The following LRRC46 variants were observed in gnomAD, a reference collection of about 807,000 sequenced individuals.
The protein encoded by LRRC46 is leucine rich repeat containing 46.
A neutral mutation model predicts 28.0 loss-of-function variants in LRRC46; 20 were observed. The observed-to-expected ratio is 0.71, with a 90% CI of 0.50 to 1.04. The LOEUF is 1.04. Ranked by LOEUF, LRRC46 falls within the 50% of genes least tolerant of loss-of-function variation. The pLI, the probability that LRRC46 is intolerant of heterozygous loss-of-function variation, is 0.00. For missense variants in LRRC46, 315 were observed against 390.1 expected, an observed-to-expected ratio of 0.81 and a Z score of 1.62; for synonymous variants, 156 against 158.8, an observed-to-expected ratio of 0.98 and a Z score of 0.13.
chr17:47,834,232 C>CGAGT lies in LRRC46; in HGVS notation c.117-192_117-189dup, dbSNP rs1441316948. 2.6e-5 allele frequency among the ~76,000 whole-genome samples: 4 copies of CGAGT among 152,202 alleles called. No individual in the cohort carries two copies. In the East Asian group the frequency reaches 7.7e-4, roughly 29 times the overall value. On this transcript the variant is annotated intron_variant, in intron 2 of 7. Transcript: ENST00000269025. ...CTTCCCAGTGCTAACAATAGAGATA[C>CGAGT]GAGTCTGCAAGTCAAGCCGGTTTCA...
Position 47,836,918 on chromosome 17 carries a change from C to T in LRRC46, c.764C>T (p.Ala255Val), listed in dbSNP as rs780391278. 3.7e-6 allele frequency: 6 copies of T among 1,613,872 alleles called. No individual in the cohort carries two copies. The highest frequency in any genetic ancestry group is 2.2e-5 in the East Asian group (1 of 44,882). ...GACAGCAGCCCTTCTGCCACTCCTGCGCAAGGGGAGGAGACAGTCCCTGAG... is the reference window on the plus strand; with the variant it reads ...GACAGCAGCCCTTCTGCCACTCCTGTGCAAGGGGAGGAGACAGTCCCTGAG... ...AGDSSPSATPAQGEETVPEAV... is the reference protein window; with the variant it reads ...AGDSSPSATPVQGEETVPEAV... Residue 255 changes from alanine (A) to valine (V), a missense_variant, in exon 8 of 8, where the codon GCG (alanine) becomes GTG (valine). Physicochemically the swap from Ala to Val is moderately conservative, Grantham distance 64. Coordinates refer to ENST00000269025, the MANE Select transcript of LRRC46 (RefSeq NM_033413.4). The surrounding 1 kb of genome is among the most constrained non-coding windows in gnomAD (Gnocchi z 5.8).
intron 2 of LRRC46, chr17:47,834,182 A>G (rs1408001789): frequency 6.8e-6 from 7 of 1,034,446 alleles, no homozygotes; most frequent in Non-Finnish European, 8.5e-6. Context: ...AATTTCCCAG[A>G]GGGCCCTTAC....
chr17:47,831,993 T>A lies in LRRC46; in HGVS notation c.4T>A (p.Ser2Thr). 6.2e-7 allele frequency: 1 copy of A among 1,613,690 alleles called. No individual in the cohort carries two copies. The highest frequency in any genetic ancestry group is 8.5e-7 in the Non-Finnish European group (1 of 1,180,020). M[S>T]GGKSAQGPEE... is the part of the protein sequence containing the mutation. ...CAGCAGCCTTTTATTTTAGATCATGTCTGGAGGTGAGTAGGGAGGTGGGAC... is the reference window on the plus strand; with the variant it reads ...CAGCAGCCTTTTATTTTAGATCATGACTGGAGGTGAGTAGGGAGGTGGGAC... The change falls in exon 1 of 8, where the codon TCT becomes ACT. Residue 2 changes from serine to threonine, a missense_variant. Transcript: ENST00000269025.
chr17:47,836,507 C>T lies in LRRC46; in HGVS notation c.595+32C>T. 6.2e-7 allele frequency: 1 copy of T among 1,609,740 alleles called. No individual in the cohort carries two copies. The highest frequency in any genetic ancestry group is 8.5e-7 in the Non-Finnish European group (1 of 1,177,298). On this transcript the variant is annotated intron_variant, in intron 7 of 7. Coordinates refer to ENST00000269025, the MANE Select transcript of LRRC46 (RefSeq NM_033413.4). The surrounding 1 kb of genome is among the most constrained non-coding windows in gnomAD (Gnocchi z 5.8). ...CTGCTTTCCAAGGTTTTCAGCCTCC[C>T]CAGAGCCCACCTCTGCCCTGTGGGA...
chr17:47,832,107 A>G lies in LRRC46; in HGVS notation c.18A>G (p.Ser6=). 6.2e-7 allele frequency: 1 copy of G among 1,611,372 alleles called. No individual in the cohort carries two copies. Residue 6 remains serine (S), a synonymous_variant, in exon 2 of 8, where the codon TCA becomes TCG. Coordinates refer to ENST00000269025, the MANE Select transcript of LRRC46 (RefSeq NM_033413.4). MSGGK[S]AQGPEEGGVC... is the part of the protein sequence containing the mutation. ...GGACTCATCTTTTCACAGGGAAGTC[A>G]GCCCAGGGTCCAGAGGAAGGGGGCG...
At chr17:47,833,897 A>C (rs902734344) in intron 2 of LRRC46, 41 of 984,724 alleles carry the variant, frequency 4.2e-5, no homozygotes, top group Non-Finnish European at 4.8e-5. Context: ...AGTACAGGGT[A>C]AGCCACCATG....
rs2143615384 is a variant in LRRC46 at position 47,837,707 on chromosome 17, T to G, written c.*587T>G. 1 of 1,072,864 alleles carries G rather than the reference T, an allele frequency of 9.3e-7. No individual in the cohort carries two copies. Among genetic ancestry groups the G allele is most frequent in the Non-Finnish European group, 1.3e-6 (1 of 787,470 alleles). 66.5% of individuals were successfully genotyped at this position (1,072,864 alleles called of 1,614,324 possible). On this transcript the variant is annotated 3_prime_UTR_variant, in exon 8 of 8. Coordinates refer to ENST00000269025, the MANE Select transcript of LRRC46 (RefSeq NM_033413.4). ...TCACTGAAGAGAAAATAAAGCACATTTATTAAGGCAAAGGCCAAGCTGGCC... is the reference window on the plus strand; with the variant it reads ...TCACTGAAGAGAAAATAAAGCACATGTATTAAGGCAAAGGCCAAGCTGGCC...
rs369288520 is a variant in LRRC46 at position 47,837,447 on chromosome 17, T to A, written c.*327T>A. ...ACCACCTCATGGAAGAGGCATGCCA[T>A]CTCACTGCCACCCCTAGCGAGTGCC... On this transcript the variant is annotated 3_prime_UTR_variant, in exon 8 of 8. Coordinates refer to ENST00000269025, the MANE Select transcript of LRRC46 (RefSeq NM_033413.4). The A allele has an allele frequency of 1.5e-4, 63 of 413,084 alleles. No individual in the cohort carries two copies. Among genetic ancestry groups the A allele is most frequent in the African/African-American group, 1.3e-3 (61 of 47,342 alleles). 25.6% of individuals were successfully genotyped at this position (413,084 alleles called of 1,614,324 possible). A position where few individuals can be genotyped will look rare whatever the true frequency, so the allele number is the denominator to read the frequency against.
rs2033715809 is a variant in LRRC46, at chr17:47,837,625, A to G, written c.*505A>G. The stretch of plus-strand genomic sequence containing the variant: ...CAACCACAGGCCCCGCAGCCAGCCC[A>G]CAGCTGCCTTTGGGCCTCACTTGGC... On this transcript the variant is annotated 3_prime_UTR_variant, in exon 8 of 8. Coordinates refer to ENST00000269025, the MANE Select transcript of LRRC46 (RefSeq NM_033413.4). The G allele has an allele frequency of 5.1e-6, 3 of 586,180 alleles. No homozygotes were observed. In the East Asian group the frequency reaches 9.8e-5, roughly 19 times the overall value. 36.3% of individuals were successfully genotyped at this position (586,180 alleles called of 1,614,324 possible). A position where few individuals can be genotyped will look rare whatever the true frequency, so the allele number is the denominator to read the frequency against.
Position 47,836,251 on chromosome 17 carries a change from G to T in LRRC46, c.453-82G>T. The T allele has an allele frequency of 6.3e-7, 1 of 1,594,262 alleles. No homozygotes were observed. Among genetic ancestry groups the T allele is most frequent in the Non-Finnish European group, 8.6e-7 (1 of 1,166,906 alleles). ...AGCTCATGAGCCACCACCCCTCCGG[G>T]TGTGAGTGCTGTGGTGCGTGTCTTT... On this transcript the variant is annotated intron_variant, in intron 6 of 7. Transcript: ENST00000269025. This position sits in a 1 kb window ranked among gnomAD's most constrained non-coding sequence, Gnocchi z 5.8.
rs150316223 is a variant in LRRC46, at chr17:47,833,243, C to T, written c.116+1038C>T. ...AGGAAGCATTCCCTGATTCCTCCTACTGTGAATTTAGTGCACAGCCTATGT... is the reference window on the plus strand; with the variant it reads ...AGGAAGCATTCCCTGATTCCTCCTATTGTGAATTTAGTGCACAGCCTATGT... On this transcript the variant is annotated intron_variant, in intron 2 of 7. Transcript: ENST00000269025. Among the ~76,000 whole-genome samples, 3 of 152,306 alleles carry T rather than the reference C, an allele frequency of 2.0e-5. No homozygotes were observed. In the East Asian group the frequency reaches 5.8e-4, roughly 29 times the overall value.
chr17:47,834,378 C>T (rs1326180096), intron 2 of LRRC46, 47 bp from the exon 3 acceptor site: 2 of 1,380,872 alleles, frequency 1.4e-6, no homozygotes, highest in Non-Finnish European at 2.0e-6. Context: ...TGCTAAGAGA[C>T]CACATGAGTG....
rs2033709767 is a variant in LRRC46, at chr17:47,837,165, C to T, written c.*45C>T. 1.3e-6 allele frequency: 2 copies of T among 1,582,376 alleles called. No homozygotes were observed. Among genetic ancestry groups the T allele is most frequent in the Non-Finnish European group, 1.7e-6 (2 of 1,172,598 alleles). ...TACTAGTGGAGAGGAGTGGGGCCTG[C>T]CCCTCTTCTCAGACCTCTGACCTGT... On this transcript the variant is annotated 3_prime_UTR_variant, in exon 8 of 8. Transcript: ENST00000269025.
intron 2 of LRRC46, chr17:47,834,153 C>G: frequency 9.2e-7 from 1 of 1,090,576 alleles, no homozygotes; most frequent in Non-Finnish European, 1.1e-6. Context: ...TCTCCAGAAA[C>G]CATAAGCTGC....
Position 47,836,146 on chromosome 17 carries a change from C to A in LRRC46, c.452+44C>A, listed in dbSNP as rs766449771. 2 of 1,602,690 alleles carry A rather than the reference C, an allele frequency of 1.2e-6. No homozygotes were observed. Among genetic ancestry groups the A allele is most frequent in the Non-Finnish European group, 1.7e-6 (2 of 1,169,810 alleles). On this transcript the variant is annotated intron_variant, in intron 6 of 7. Coordinates refer to ENST00000269025, the MANE Select transcript of LRRC46 (RefSeq NM_033413.4). The surrounding 1 kb of genome is among the most constrained non-coding windows in gnomAD (Gnocchi z 5.8). ...GAAGAAAGGTCATGGCTGAGCTCTACCTGCTAACTCAGCCCAGACCCCTCT... is the reference window on the plus strand; with the variant it reads ...GAAGAAAGGTCATGGCTGAGCTCTAACTGCTAACTCAGCCCAGACCCCTCT...
Position 47,831,913 on chromosome 17 carries a change from T to C in LRRC46, c.-77T>C. 1 of 1,595,614 alleles carries C rather than the reference T, an allele frequency of 6.3e-7. No homozygotes were observed. The highest frequency in any genetic ancestry group is 8.6e-7 in the Non-Finnish European group (1 of 1,165,704). The stretch of plus-strand genomic sequence containing the variant: ...TCTCTCCTCCTGCCATCCTGAGTTC[T>C]GCCATCCTTAGGGGCCGCCAAGACC... On this transcript the variant is annotated 5_prime_UTR_variant, in exon 1 of 8. Coordinates refer to ENST00000269025, the MANE Select transcript of LRRC46 (RefSeq NM_033413.4).
rs1247357534 is a variant in LRRC46 at position 47,836,762 on chromosome 17, A to T, written c.608A>T (p.Glu203Val). The T allele has an allele frequency of 1.3e-6, 2 of 1,597,150 alleles. No individual in the cohort carries two copies. The highest frequency in any genetic ancestry group is 1.7e-6 in the Non-Finnish European group (2 of 1,178,588). Residue 203 changes from glutamate to valine, a missense_variant, in exon 8 of 8, where the codon GAG becomes GTG. Glu to Val is a moderately radical substitution (Grantham distance 121). Coordinates refer to ENST00000269025, the MANE Select transcript of LRRC46 (RefSeq NM_033413.4). The surrounding 1 kb of genome is among the most constrained non-coding windows in gnomAD (Gnocchi z 5.8). ...PFCSERGFLKELEQELSRHRE... is the reference protein window; with the variant it reads ...PFCSERGFLKVLEQELSRHRE... The stretch of plus-strand genomic sequence containing the variant: ...CGGCCCCTCCCAGGCTTCCTCAAGG[A>T]GCTGGAGCAGGAGCTGAGCAGGCAC...
chr17:47,836,661 C>T lies in LRRC46; in HGVS notation c.596-89C>T, dbSNP rs2033701070. ...GCTCCTTCCCACAAGGGACAAGGGGCCAGCCAGAGACTTCCCTGAGCCCAG... is the reference window on the plus strand; with the variant it reads ...GCTCCTTCCCACAAGGGACAAGGGGTCAGCCAGAGACTTCCCTGAGCCCAG... On this transcript the variant is annotated intron_variant, in intron 7 of 7. Transcript: ENST00000269025. The surrounding 1 kb of genome is among the most constrained non-coding windows in gnomAD (Gnocchi z 5.8). 1.9e-6 allele frequency: 3 copies of T among 1,542,904 alleles called. No individual in the cohort carries two copies. In the East Asian group the frequency reaches 6.9e-5, roughly 36 times the overall value.
chr17:47,835,280 G>C (rs1376364223), intron 3 of LRRC46, 73 bp from the exon 4 acceptor site: 1 of 1,482,732 alleles, frequency 6.7e-7, no homozygotes, highest in Non-Finnish European at 9.4e-7. Context: ...TGGTCTTGGG[G>C]CTTTGTCCCC....
Sources: allele counts gnomAD v4.1 joint callset (sites outside exome capture counted in the v4.1 genomes callset), GRCh38; gene constraint gnomAD v4.1.1; non-coding constraint Gnocchi (gnomAD v3.1); transcripts MANE v1.5; gene names NCBI Gene and HGNC (gene_info 2026-07-23, HGNC 2026-07-21).